Variants in ABCA12 observed in about 807,000 individuals in gnomAD.
ABCA12 encodes the protein ATP binding cassette subfamily A member 12.
ABCA12 carries 156 observed loss-of-function variants against 293.5 expected under a neutral mutation model. That is an observed-to-expected ratio of 0.53 (90% CI 0.47 to 0.61). The LOEUF is 0.61. ABCA12 is among the 20% of genes least tolerant of loss of function. The probability of loss-of-function intolerance (pLI) is 0.00; values close to 1 mark genes in which losing one functional copy is unlikely to be tolerated. For synonymous variants in ABCA12, 1,063 were observed against 1,108.0 expected (o/e 0.96, Z 0.81); for missense variants, 2,797 against 3,090.2 (o/e 0.91, Z 2.25).
rs1559139498 is a variant in ABCA12 at position 215,000,902 on chromosome 2, G to A, written c.2982C>T (p.Thr994=). 2 of 1,614,072 alleles carry A rather than the reference G, an allele frequency of 1.2e-6. No individual in the cohort carries two copies. ...TIRMSLKTAQ[T]TRSLRTKIWA... is the part of the protein sequence containing the mutation. ...AAATCTTGGTTCTTAGGCTTCTTGT[G>A]GTCTGTGCGGTCTTGAGACTCATCC... The change falls in exon 22 of 53, where the codon ACC becomes ACT. Residue 994 remains threonine, a synonymous_variant. Transcript: ENST00000272895.
At chr2:215,026,139 C>T (rs1700739822) in intron 10 of ABCA12, among the ~76,000 whole-genome samples, 1 of 152,062 alleles carries the variant, frequency 6.6e-6, no homozygotes, top group Non-Finnish European at 1.5e-5. Flanking sequence ...GCCTTTCCAA[C>T]CTTGATTAAT....
chr2:214,977,392 T>C (rs960548772), intron 33 of ABCA12, among the ~76,000 whole-genome samples: 3 of 152,166 alleles, frequency 2.0e-5, no homozygotes, highest in Admixed American at 6.5e-5. Flanking sequence ...ATGAGAACTA[T>C]GACAGAGGAC....
chr2:214,978,451 T>C lies in ABCA12; in HGVS notation c.4993A>G (p.Thr1665Ala), dbSNP rs374790492. 3.7e-6 allele frequency: 6 copies of C among 1,613,374 alleles called. No homozygotes were observed. In the African/African-American group the frequency reaches 8.0e-5, roughly 22 times the overall value. Residue 1665 changes from threonine (T) to alanine (A), a missense_variant, in exon 33 of 53, where the codon ACC (threonine) becomes GCC (alanine). Around this residue, in one of 3 missense-constraint regions of ABCA12, gnomAD observed 2,130 missense variants for 2,427.0 expected, o/e 0.88. Coordinates refer to ENST00000272895, the MANE Select transcript of ABCA12 (RefSeq NM_173076.3). ...TTVEEVFLNL[T>A]KESQKNSAMS... ...GCACTATTTTTTTGTGACTCTTTGG[T>C]CAAGTTCAGAAAGACCTAGAAAGAG...
intron 23 of ABCA12, among the ~76,000 whole-genome samples, chr2:214,992,674 C>T (rs1415682834): frequency 4.0e-5 from 6 of 151,374 alleles, no homozygotes; most frequent in Non-Finnish European, 8.8e-5. Flanking sequence ...CCAGCCAGGC[C>T]AACATGGCAA....
chr2:215,034,673 C>G (rs1324472840), intron 8 of ABCA12, among the ~76,000 whole-genome samples: 1 of 152,136 alleles, frequency 6.6e-6, no homozygotes, highest in Non-Finnish European at 1.5e-5. Flanking sequence ...CTCAGTTTGG[C>G]CACTTACTGG....
At chr2:214,989,672 C>T in intron 24 of ABCA12, 51 bp from the exon 25 acceptor site, 1 of 1,591,794 alleles carries the variant, frequency 6.3e-7, no homozygotes, top group Non-Finnish European at 8.6e-7. Flanking sequence ...TCATGTATTT[C>T]ACCCAGAGGT....
chr2:214,986,971 G>T (rs1699801811), intron 27 of ABCA12, among the ~76,000 whole-genome samples: 1 of 152,020 alleles, frequency 6.6e-6, no homozygotes, highest in South Asian at 2.1e-4. Context: ...CCAGAATATG[G>T]TATTATAATT....
intron 20 of ABCA12, among the ~76,000 whole-genome samples, chr2:215,002,025 T>C (rs1016873495): frequency 3.9e-5 from 6 of 152,156 alleles, no homozygotes; most frequent in Non-Finnish European, 8.8e-5. Context: ...AGAACTAAGA[T>C]GAATAAATTT....
At chr2:215,066,752 G>A (rs1187687351) in intron 2 of ABCA12, among the ~76,000 whole-genome samples, 1 of 152,124 alleles carries the variant, frequency 6.6e-6, no homozygotes, top group Non-Finnish European at 1.5e-5. Context: ...ATTCAGGCAT[G>A]CACAAGTTTC....
chr2:215,073,502 C>T (rs1701777938), intron 2 of ABCA12, among the ~76,000 whole-genome samples: 1 of 151,946 alleles, frequency 6.6e-6, no homozygotes, highest in Non-Finnish European at 1.5e-5. Context: ...GCTGATTGGT[C>T]ATATCAGAAA....
intron 1 of ABCA12, among the ~76,000 whole-genome samples, chr2:215,120,577 C>T (rs1702786163): frequency 2.0e-5 from 3 of 152,072 alleles, no homozygotes; most frequent in Admixed American, 2.0e-4. Context: ...GCAGAAGCAG[C>T]ATATGTGTGA....
chr2:214,947,524 C>G lies in ABCA12; in HGVS notation c.7137G>C (p.Leu2379=), dbSNP rs774514604. ...AGGTAGCTCTGTCCTTGAAGGGCAT[C>G]AGGTGAAGTCTCCTAAGGAGTTTAT... is the stretch of plus-strand genomic sequence containing the variant. The part of the protein sequence containing the change: ...TVHKLLRRLH[L]MPFKDRATSM... The change falls in exon 48 of 53, where the codon CTG becomes CTC. Residue 2379 remains leucine, a synonymous_variant. Transcript: ENST00000272895. The G allele has an allele frequency of 3.0e-5, 49 of 1,613,754 alleles. No homozygotes were observed. Among genetic ancestry groups the G allele is most frequent in the Non-Finnish European group, 4.2e-5 (49 of 1,179,864 alleles).
At position 214,959,024 on chromosome 2, in the gene ABCA12, G is replaced by T. The variant is rs763858530; in HGVS notation, c.5939C>A (p.Thr1980Lys). The change falls in exon 40 of 53, where the codon ACA (threonine) becomes AAA (lysine). Residue 1980 changes from threonine to lysine, a missense_variant and splice_region_variant. Transcript: ENST00000272895. ...AGTCATGCTAGAGATATCTGCTTACGTGGCTTGTTCTTGGTCTTGCACTCC... is the reference window on the plus strand; with the variant it reads ...AGTCATGCTAGAGATATCTGCTTACTTGGCTTGTTCTTGGTCTTGCACTCC... ...YPGVQDQEQA[T>K]ISSLIDILVA... 1.2e-6 allele frequency: 2 copies of T among 1,613,584 alleles called. No homozygotes were observed. Among genetic ancestry groups the T allele is most frequent in the East Asian group, 2.2e-5 (1 of 44,856 alleles).
intron 2 of ABCA12, among the ~76,000 whole-genome samples, chr2:215,083,657 A>G (rs1701986286): frequency 6.6e-6 from 1 of 152,174 alleles, no homozygotes; most frequent in Non-Finnish European, 1.5e-5. Flanking sequence ...TAGAATTTCT[A>G]TACACTTTAC....
intron 23 of ABCA12, among the ~76,000 whole-genome samples, chr2:214,996,281 T>C (rs1441370992): frequency 6.6e-6 from 1 of 152,240 alleles, no homozygotes; most frequent in Non-Finnish European, 1.5e-5. Flanking sequence ...AATGTGTGTG[T>C]ATTATATACA....
intron 20 of ABCA12, among the ~76,000 whole-genome samples, 163 bp downstream of exon 20, chr2:215,004,046 G>T (rs548362705): frequency 6.6e-6 from 1 of 152,240 alleles, no homozygotes; most frequent in Admixed American, 6.5e-5. Flanking sequence ...ACAACTAACT[G>T]GGAAGAAGAT....
intron 7 of ABCA12, among the ~76,000 whole-genome samples, chr2:215,039,381 T>A (rs531135144): frequency 1.3e-5 from 2 of 152,328 alleles, no homozygotes; most frequent in Non-Finnish European, 2.9e-5. Flanking sequence ...AGTGACACTG[T>A]CAGCTTTATC....
intron 7 of ABCA12, among the ~76,000 whole-genome samples, chr2:215,042,551 G>T (rs13390582): frequency 0.085 from 12,888 of 152,022 alleles, 1,535 homozygotes; most frequent in African/African-American, 0.27. Flanking sequence ...TCAGCCTCTT[G>T]TAAGTTTTAT....
chr2:215,067,185 A>G (rs1701655269), intron 2 of ABCA12, among the ~76,000 whole-genome samples: 1 of 152,162 alleles, frequency 6.6e-6, no homozygotes, highest in Non-Finnish European at 1.5e-5. Flanking sequence ...ACTTCAGCGC[A>G]TTCTATCCTT....
Sources: gnomAD v4.1 joint callset for allele counts (sites outside exome capture counted in the v4.1 genomes callset) on GRCh38, gnomAD v4.1.1 for gene constraint, gnomAD v4.1.1 regional missense constraint, MANE v1.5 for transcripts, NCBI Gene and HGNC (gene_info 2026-07-23, HGNC 2026-07-21) for gene names.